NECAB2: variants seen among roughly 807,000 people sequenced by gnomAD.
The protein encoded by NECAB2 is N-terminal EF-hand calcium-binding protein 2.
Under a neutral mutation model 51.9 loss-of-function variants are expected in NECAB2, and 68 were observed. The ratio of observed to expected loss-of-function variants is 1.31; its 90% confidence interval spans 1.08 to 1.60. NECAB2 has a LOEUF of 1.60. NECAB2 is among the 40% of genes most tolerant of loss of function. The pLI, the probability that NECAB2 is intolerant of heterozygous loss-of-function variation, is 0.00. For synonymous variants in NECAB2, 329 were observed against 203.5 expected (o/e 1.62, Z -5.25); for missense variants, 854 against 490.3 (o/e 1.74, Z -7.00).
chr16:84,002,210 A>C, intron 12 of NECAB2, 108 bp from the exon 13 acceptor site: 2 of 1,379,356 alleles, frequency 1.4e-6, no homozygotes, highest in Admixed American at 1.7e-5. Flanking sequence ...TGTGTGTCAC[A>C]CAAGGACTCA....
At chr16:84,001,133 A>G (rs1025810010) in intron 11 of NECAB2, among the ~76,000 whole-genome samples, 1 of 152,120 alleles carries the variant, frequency 6.6e-6, no homozygotes, top group African/African-American at 2.4e-5. Context: ...GGCCTAACCT[A>G]GAAGGTGACT....
upstream of NECAB2, chr16:83,966,027 G>A: frequency 2.0e-6 from 3 of 1,496,452 alleles, no homozygotes; most frequent in Admixed American, 2.3e-5. Context: ...AGACCCGCTG[G>A]CTCCCAGGCC....
At chr16:84,001,460 T>C (rs2084833527) in intron 11 of NECAB2, among the ~76,000 whole-genome samples, 1 of 152,144 alleles carries the variant, frequency 6.6e-6, no homozygotes, top group African/African-American at 2.4e-5. Flanking sequence ...TCCCTGTCCG[T>C]ACTTCAGTGA....
intron 12 of NECAB2, 69 bp from the exon 13 acceptor site, chr16:84,002,249 C>G: frequency 6.4e-7 from 1 of 1,565,982 alleles, no homozygotes; most frequent in East Asian, 2.2e-5. Flanking sequence ...TCATTCAAGA[C>G]GACCACCACC....
rs180854923 is a variant in NECAB2, at chr16:83,997,775, G to T, written c.850-430G>T. Among the ~76,000 whole-genome samples the T allele has an allele frequency of 3.1e-3, 476 of 152,172 alleles. 1 individual carries two copies. The highest frequency in any genetic ancestry group is 0.011 in the African/African-American group (439 of 41,522). Reference sequence around the variant, plus strand: ...CCTAAAGTGCTGAGATTACAGGCGTGAGCCACCACACCTGGCCCAGAGGCT... The same window carrying T: ...CCTAAAGTGCTGAGATTACAGGCGTTAGCCACCACACCTGGCCCAGAGGCT... On this transcript the variant is annotated intron_variant, in intron 9 of 12. Coordinates refer to ENST00000305202, the MANE Select transcript of NECAB2 (RefSeq NM_019065.3).
intron 1 of NECAB2, among the ~76,000 whole-genome samples, chr16:83,970,073 C>G (rs1416441623): frequency 6.6e-6 from 1 of 152,182 alleles, no homozygotes; most frequent in Non-Finnish European, 1.5e-5. Context: ...CCTCAGGACC[C>G]CCGCAGAGCT....
At chr16:83,965,626 G>A (rs144447660), upstream of NECAB2, 9 of 1,613,022 alleles carry the variant, frequency 5.6e-6, no homozygotes, top group South Asian at 2.2e-5. Flanking sequence ...CCATCCTGTC[G>A]CCCAGCCCCT....
chr16:83,966,271 A>C, upstream of NECAB2: 1 of 515,150 alleles, frequency 1.9e-6, no homozygotes, highest in African/African-American at 1.9e-5. Context: ...GCACCCAGCC[A>C]GGAGACCTGC....
rs1430964516 is a variant in NECAB2, at chr16:84,002,578, TTCCTGGAGCCAGCACCCCTGCCTCCTGG to T, written c.*239_*266del. The stretch of plus-strand genomic sequence containing the variant: ...GAAGCCCAAGGTTGAAGGGGGCGGC[TTCCTGGAGCCAGCACCCCTGCCTCCTGG>T]TCCTGGCCTCTCCCCTACCCCTCAC... On this transcript the variant is annotated 3_prime_UTR_variant, in exon 13 of 13. Transcript: ENST00000305202. The T allele has an allele frequency of 3.3e-6, 2 of 601,844 alleles. No individual in the cohort carries two copies. Among genetic ancestry groups the T allele is most frequent in the Non-Finnish European group, 5.9e-6 (2 of 341,604 alleles). The allele number at this position is 601,844 out of a possible 1,614,324, so 37.3% of individuals were successfully genotyped here.
intron 6 of NECAB2, among the ~76,000 whole-genome samples, chr16:83,991,920 G>A (rs1318040846): frequency 6.6e-6 from 1 of 151,786 alleles, no homozygotes; most frequent in Non-Finnish European, 1.5e-5. Flanking sequence ...CTTCCAAAGG[G>A]CTGGGATTAC....
chr16:83,979,627 C>T (rs1188941448), intron 3 of NECAB2, among the ~76,000 whole-genome samples: 1 of 151,920 alleles, frequency 6.6e-6, no homozygotes, highest in Admixed American at 6.6e-5. Flanking sequence ...AGGCAGGTGC[C>T]CATTGATTTA....
At chr16:84,000,432 G>A (rs952899089) in intron 10 of NECAB2, among the ~76,000 whole-genome samples, 6 of 152,174 alleles carry the variant, frequency 3.9e-5, no homozygotes, top group African/African-American at 1.2e-4. Flanking sequence ...GAAGGCTGAA[G>A]TGATTGTGCC....
chr16:83,993,112 A>C (rs2084647596), intron 6 of NECAB2, among the ~76,000 whole-genome samples: 1 of 152,094 alleles, frequency 6.6e-6, no homozygotes, highest in Non-Finnish European at 1.5e-5. Context: ...AACTTCCCCA[A>C]ATCTCAGCTA....
chr16:84,001,749 G>T (rs1567682175), intron 11 of NECAB2, 76 bp from the exon 12 acceptor site: 3 of 1,521,614 alleles, frequency 2.0e-6, no homozygotes, highest in East Asian at 4.6e-5. Context: ...TTGGGCTAGA[G>T]CTAGGATTAA....
intron 2 of NECAB2, among the ~76,000 whole-genome samples, chr16:83,977,786 A>G (rs1039300670): frequency 1.3e-5 from 2 of 152,186 alleles, no homozygotes; most frequent in Admixed American, 1.3e-4. Context: ...TCAGGGAAGG[A>G]CCTGAAGTTT....
Position 83,982,207 on chromosome 16 carries a change from CAGTT to C in NECAB2, c.459+1084_459+1087del, listed in dbSNP as rs201471684. On this transcript the variant is annotated intron_variant, in intron 5 of 12. Coordinates refer to ENST00000305202, the MANE Select transcript of NECAB2 (RefSeq NM_019065.3). ...TTCTGTGCAATTTTCCCATGCTTCTCAGTTAGTGACCGCCATGTATTAGACAGTC... is the reference window on the plus strand; with the variant it reads ...TTCTGTGCAATTTTCCCATGCTTCTCAGTGACCGCCATGTATTAGACAGTC... Among the ~76,000 whole-genome samples the C allele has an allele frequency of 8.7e-3, 1,324 of 152,288 alleles. 16 individuals are homozygous for C. The highest frequency in any genetic ancestry group is 0.031 in the African/African-American group (1,269 of 41,564).
At chr16:83,974,166 A>G (rs2084379200) in intron 2 of NECAB2, among the ~76,000 whole-genome samples, 1 of 152,148 alleles carries the variant, frequency 6.6e-6, no homozygotes, top group South Asian at 2.1e-4. Flanking sequence ...GGCTGTCACC[A>G]GGGTGAATGT....
At chr16:83,996,144 C>A (rs2084695275) in intron 8 of NECAB2, among the ~76,000 whole-genome samples, 1 of 152,184 alleles carries the variant, frequency 6.6e-6, no homozygotes, top group African/African-American at 2.4e-5. Context: ...GCTCTAGGGG[C>A]CCCTGGCTGG....
At chr16:83,977,743 C>T (rs991899742) in intron 2 of NECAB2, among the ~76,000 whole-genome samples, 3 of 152,230 alleles carry the variant, frequency 2.0e-5, no homozygotes, top group African/African-American at 7.2e-5. Context: ...CTGAGAACCT[C>T]ATGCCGGCCA....
Sources: gnomAD v4.1 joint callset for allele counts (sites outside exome capture counted in the v4.1 genomes callset) on GRCh38, gnomAD v4.1.1 for gene constraint, MANE v1.5 for transcripts, NCBI Gene and HGNC (gene_info 2026-07-23, HGNC 2026-07-21) for gene names.